The following AK7 variants were observed in gnomAD, a reference collection of about 807,000 sequenced individuals.
AK7 encodes adenylate kinase 7.
A neutral mutation model predicts 96.6 loss-of-function variants in AK7; 78 were observed. The observed-to-expected ratio is 0.81, with a 90% CI of 0.67 to 0.97. AK7 has a LOEUF of 0.97. Among genes scored for constraint, AK7 ranks in the 50% least tolerant of loss-of-function variants. The pLI is 0.00. For missense variants in AK7, 855 were observed against 887.9 expected (o/e 0.96, Z 0.47); for synonymous variants, 302 against 317.2 (o/e 0.95, Z 0.51).
chr14:96,482,993 T>C lies in AK7; in HGVS notation c.1754-6T>C. 2 of 1,613,892 alleles carry C rather than the reference T, an allele frequency of 1.2e-6. No homozygotes were observed. Among genetic ancestry groups the C allele is most frequent in the Non-Finnish European group, 1.7e-6 (2 of 1,179,908 alleles). Reference sequence around the variant, plus strand: ...TATGTGTTGATCTCTCTCCTGGTATTTAAAGATGTAGGAAAACTTGAAGAT... The same window carrying C: ...TATGTGTTGATCTCTCTCCTGGTATCTAAAGATGTAGGAAAACTTGAAGAT... On this transcript the variant is annotated splice_region_variant and splice_polypyrimidine_tract_variant and intron_variant, in intron 15 of 17. Coordinates refer to ENST00000267584, the MANE Select transcript of AK7 (RefSeq NM_152327.5).
At position 96,449,898 on chromosome 14, in the gene AK7, T is replaced by TG. The variant is rs763945165; in HGVS notation, c.948+19_948+20insG. ...CTTAACGGTTAGTATATGCGGTGTT[T>TG]TTTTTTTTTTAACTATCTTTCTCAA... On this transcript the variant is annotated intron_variant, in intron 9 of 17. Transcript: ENST00000267584. 1.9e-5 allele frequency: 29 copies of TG among 1,523,902 alleles called. No homozygotes were observed. The African/African-American group carries it at 3.4e-4, about 18-fold the overall frequency. 94.4% of individuals were successfully genotyped at this position (1,523,902 alleles called of 1,614,324 possible). A position where few individuals can be genotyped will look rare whatever the true frequency, so the allele number is the denominator to read the frequency against.
chr14:96,486,853 CT>C (rs760036671), intron 16 of AK7, 44 bp from the exon 17 acceptor site: 1 of 1,578,700 alleles, frequency 6.3e-7, no homozygotes, highest in South Asian at 1.1e-5. Context: ...GTGTTCTCCC[CT>C]TTCTCACTAC....
At chr14:96,442,912 C>A in intron 7 of AK7, 94 bp downstream of exon 7, 1 of 1,085,940 alleles carries the variant, frequency 9.2e-7, no homozygotes, top group South Asian at 1.3e-5. Context: ...AGTGCTAAGA[C>A]CCTTACATGG....
intron 11 of AK7, chr14:96,456,682 G>T: frequency 2.3e-6 from 1 of 439,794 alleles, no homozygotes; most frequent in Non-Finnish European, 4.0e-6. Context: ...GTTGACCTTG[G>T]CCACACTGGC....
intron 5 of AK7, among the ~76,000 whole-genome samples, chr14:96,436,329 A>G (rs1203044454): frequency 1.3e-5 from 2 of 152,152 alleles, no homozygotes; most frequent in Admixed American, 1.3e-4. Flanking sequence ...TTCCCACAAG[A>G]GCCTGAGTAA....
chr14:96,452,653 C>CTTTCT (rs1237198849), intron 10 of AK7, among the ~76,000 whole-genome samples: 4 of 151,378 alleles, frequency 2.6e-5, no homozygotes, highest in East Asian at 3.9e-4. Context: ...TTCTTTCTTT[C>CTTTCT]TTTCTTTTCT....
chr14:96,476,956 T>C (rs528652643), intron 14 of AK7, among the ~76,000 whole-genome samples: 36 of 152,362 alleles, frequency 2.4e-4, no homozygotes, highest in Middle Eastern at 6.8e-3. Context: ...CATATAGATG[T>C]CCGACATCAT....
At chr14:96,466,187 TC>T (rs1257606871) in intron 12 of AK7, among the ~76,000 whole-genome samples, 1 of 150,912 alleles carries the variant, frequency 6.6e-6, no homozygotes, top group Non-Finnish European at 1.5e-5. Context: ...CACCTCAACC[TC>T]CCAAGTAGCT....
intron 3 of AK7, among the ~76,000 whole-genome samples, chr14:96,406,933 C>T (rs1242957922): frequency 6.6e-6 from 1 of 152,124 alleles, no homozygotes; most frequent in African/African-American, 2.4e-5. Context: ...CAGCCTCCAA[C>T]AGGGCTGGGA....
intron 4 of AK7, among the ~76,000 whole-genome samples, chr14:96,410,883 T>C (rs1890992563): frequency 1.3e-5 from 2 of 152,010 alleles, no homozygotes; most frequent in Admixed American, 1.3e-4. Context: ...AACCTGTAGT[T>C]TTAGCTACTC....
chr14:96,443,275 G>T (rs1202289827), intron 7 of AK7, among the ~76,000 whole-genome samples: 1 of 152,184 alleles, frequency 6.6e-6, no homozygotes, highest in Admixed American at 6.5e-5. Context: ...TACTCACAGA[G>T]CATCTAAACC....
chr14:96,428,432 A>G (rs896851475), intron 5 of AK7, among the ~76,000 whole-genome samples: 1 of 152,172 alleles, frequency 6.6e-6, no homozygotes, highest in Non-Finnish European at 1.5e-5. Flanking sequence ...ATATGTGTGC[A>G]TGTGTCTTTA....
rs538476313 is a variant in AK7, at chr14:96,397,178, T to A, written c.106-897T>A. On this transcript the variant is annotated intron_variant, in intron 1 of 17. Transcript: ENST00000267584. ...TTGAATTTCAAATAAAAATAAAATATCTCAATAATTTTTATATTGATTACA... is the reference window on the plus strand; with the variant it reads ...TTGAATTTCAAATAAAAATAAAATAACTCAATAATTTTTATATTGATTACA... Among the ~76,000 whole-genome samples, 16 of 152,338 alleles carry A rather than the reference T, an allele frequency of 1.1e-4. No homozygotes were observed. The South Asian group carries it at 2.9e-3, about 28-fold the overall frequency.
At chr14:96,443,394 C>T (rs1566787756) in intron 7 of AK7, among the ~76,000 whole-genome samples, 2 of 152,138 alleles carry the variant, frequency 1.3e-5, no homozygotes, top group South Asian at 2.1e-4. Flanking sequence ...CTCCAGCTTC[C>T]GGGGACTTCA....
At chr14:96,412,012 A>G (rs1202350314) in intron 4 of AK7, among the ~76,000 whole-genome samples, 3 of 152,118 alleles carry the variant, frequency 2.0e-5, no homozygotes, top group Admixed American at 6.6e-5. Context: ...TGTCATTGTC[A>G]CAGGAAGTCT....
chr14:96,423,178 C>T (rs1180992733), intron 5 of AK7, among the ~76,000 whole-genome samples: 1 of 152,236 alleles, frequency 6.6e-6, no homozygotes, highest in East Asian at 1.9e-4. Flanking sequence ...GAGTGAGATA[C>T]TGACGCCTAT....
intron 5 of AK7, among the ~76,000 whole-genome samples, chr14:96,421,840 C>T (rs1007145757): frequency 2.0e-5 from 3 of 152,094 alleles, no homozygotes; most frequent in African/African-American, 4.8e-5. Context: ...CTCCTGAACT[C>T]GTGATCCGCC....
rs143372359 is a variant in AK7 at position 96,413,223 on chromosome 14, G to A, written c.498+4282G>A. On this transcript the variant is annotated intron_variant, in intron 4 of 17. Transcript: ENST00000267584. ...GAGAGGACAAAGAGGGTCCCCACCA[G>A]CCACACTGTGAGAAGGCGAGCATCG... Among the ~76,000 whole-genome samples, 24 of 152,286 alleles carry A rather than the reference G, an allele frequency of 1.6e-4. No individual in the cohort carries two copies. The East Asian group carries it at 3.7e-3, about 23-fold the overall frequency.
At chr14:96,431,318 C>T (rs1164163499) in intron 5 of AK7, among the ~76,000 whole-genome samples, 2 of 152,030 alleles carry the variant, frequency 1.3e-5, no homozygotes, top group Non-Finnish European at 2.9e-5. Context: ...AATTTGTTTG[C>T]TCTTGCTTCT....
Sources: allele counts gnomAD v4.1 joint callset (sites outside exome capture counted in the v4.1 genomes callset), GRCh38; gene constraint gnomAD v4.1.1; transcripts MANE v1.5; gene names NCBI Gene and HGNC (gene_info 2026-07-23, HGNC 2026-07-21).